The following NCK2 variants were observed in gnomAD, a reference collection of about 807,000 sequenced individuals.
NCK2 encodes cytoplasmic protein NCK2.
A neutral mutation model predicts 33.9 loss-of-function variants in NCK2; 16 were observed. The observed-to-expected ratio is 0.47, with a 90% CI of 0.32 to 0.72. The LOEUF is 0.72. NCK2 is among the 30% of genes least tolerant of loss of function. The pLI is 0.03. For synonymous variants in NCK2, 273 were observed against 239.9 expected, an observed-to-expected ratio of 1.14 and a Z score of -1.27; for missense variants, 418 against 537.3, an observed-to-expected ratio of 0.78 and a Z score of 2.19.
intron 2 of NCK2, among the ~76,000 whole-genome samples, chr2:105,835,407 G>GTATATA (rs1491345836): frequency 3.0e-4 from 6 of 19,686 alleles, no homozygotes; most frequent in South Asian, 3.6e-3. Context: ...ATATATATAC[G>GTATATA]TGTATATATA....
At chr2:105,786,419 G>A (rs537696362) in intron 1 of NCK2, among the ~76,000 whole-genome samples, 100 of 152,312 alleles carry the variant, frequency 6.6e-4, no homozygotes, top group African/African-American at 2.3e-3. Flanking sequence ...GGGCCTGTCT[G>A]GAAAGGTCTC....
intron 3 of NCK2, among the ~76,000 whole-genome samples, chr2:105,878,679 G>C (rs1678335892): frequency 6.6e-6 from 1 of 152,174 alleles, no homozygotes; most frequent in South Asian, 2.1e-4. Flanking sequence ...TCACATTTGG[G>C]GGGTAAGAAA....
At chr2:105,852,096 G>A (rs1677090667) in intron 2 of NCK2, among the ~76,000 whole-genome samples, 1 of 152,092 alleles carries the variant, frequency 6.6e-6, no homozygotes, top group African/African-American at 2.4e-5. Flanking sequence ...ACCACGCATC[G>A]GACGGTTGGG....
chr2:105,823,869 T>A (rs897772932), intron 2 of NCK2, among the ~76,000 whole-genome samples: 15 of 152,222 alleles, frequency 9.9e-5, no homozygotes, highest in African/African-American at 3.1e-4. Context: ...ATTATGAATC[T>A]GCTCTGGCTG....
intron 1 of NCK2, among the ~76,000 whole-genome samples, chr2:105,754,456 C>A (rs1042728673): frequency 2.0e-5 from 3 of 152,110 alleles, no homozygotes; most frequent in Admixed American, 6.6e-5. Flanking sequence ...ATTTTGGTTG[C>A]GTGTTTAAGG....
chr2:105,784,581 C>T (rs1399960092), intron 1 of NCK2, among the ~76,000 whole-genome samples: 3 of 152,200 alleles, frequency 2.0e-5, no homozygotes, highest in Non-Finnish European at 4.4e-5. Flanking sequence ...TGTAGGTGAG[C>T]ATAAATGCAT....
intron 3 of NCK2, among the ~76,000 whole-genome samples, chr2:105,880,814 T>G (rs1678440201): frequency 6.6e-6 from 1 of 152,176 alleles, no homozygotes; most frequent in Admixed American, 6.5e-5. Context: ...CTCACTCTGT[T>G]GCACAGGCTG....
intron 1 of NCK2, among the ~76,000 whole-genome samples, chr2:105,794,871 G>A (rs779251709): frequency 4.6e-5 from 7 of 152,002 alleles, no homozygotes; most frequent in African/African-American, 9.7e-5. Flanking sequence ...GCATGGTTCC[G>A]CAGCCAAAGA....
intron 1 of NCK2, among the ~76,000 whole-genome samples, chr2:105,777,856 T>C (rs1178460378): frequency 1.3e-5 from 2 of 152,210 alleles, no homozygotes; most frequent in Non-Finnish European, 2.9e-5. Flanking sequence ...TGTGCTCGTA[T>C]TGAAGAGAGG....
chr2:105,794,733 C>T (rs141932875), intron 1 of NCK2, among the ~76,000 whole-genome samples: 32,863 of 151,452 alleles, frequency 0.22, 3,868 homozygotes, highest in Middle Eastern at 0.33. Flanking sequence ...ATTTTTGAGA[C>T]GGAGTCTTGC....
intron 1 of NCK2, among the ~76,000 whole-genome samples, chr2:105,764,883 A>G (rs537085252): frequency 6.6e-6 from 1 of 151,594 alleles, no homozygotes; most frequent in Non-Finnish European, 1.5e-5. Context: ...CTTTTTTTCC[A>G]TGTTGTGTGA....
At position 105,771,219 on chromosome 2, in the gene NCK2, G is replaced by A. The variant is rs540375131; in HGVS notation, c.-201+26081G>A. 7.3e-5 allele frequency among the ~76,000 whole-genome samples: 11 copies of A among 150,872 alleles called. No homozygotes were observed. The East Asian group carries it at 1.0e-3, about 14-fold the overall frequency. On this transcript the variant is annotated intron_variant, in intron 1 of 4. Transcript: ENST00000233154. ...TTACAGGCGTGAGCCACCGCGCCCC[G>A]CCCAATATCACTATTTCTATCCCCT...
intron 2 of NCK2, among the ~76,000 whole-genome samples, chr2:105,831,147 AG>A (rs1433749212): frequency 6.6e-6 from 1 of 152,168 alleles, no homozygotes; most frequent in African/African-American, 2.4e-5. Flanking sequence ...TAAAATGAAA[AG>A]ATATCTCATA....
chr2:105,785,323 G>A (rs1199436587), intron 1 of NCK2, among the ~76,000 whole-genome samples: 1 of 152,168 alleles, frequency 6.6e-6, no homozygotes, highest in Non-Finnish European at 1.5e-5. Context: ...GTGTGTCCAA[G>A]TGTAAAAAGA....
chr2:105,886,747 T>C (rs1678736291), intron 4 of NCK2, among the ~76,000 whole-genome samples: 1 of 152,230 alleles, frequency 6.6e-6, no homozygotes, highest in Non-Finnish European at 1.5e-5. Flanking sequence ...AGGTATTACA[T>C]GTGACTTTAG....
intron 1 of NCK2, among the ~76,000 whole-genome samples, chr2:105,814,302 A>C (rs1675399609): frequency 6.6e-6 from 1 of 152,240 alleles, no homozygotes; most frequent in Non-Finnish European, 1.5e-5. Context: ...GCTTTTCTCA[A>C]GGAAAACATC....
At chr2:105,889,471 T>C (rs1469611512) in intron 4 of NCK2, among the ~76,000 whole-genome samples, 1 of 152,142 alleles carries the variant, frequency 6.6e-6, no homozygotes. Context: ...GAAGGGCTTA[T>C]TAAAACACAC....
At chr2:105,867,207 C>T (rs1008697678) in intron 3 of NCK2, among the ~76,000 whole-genome samples, 4 of 152,184 alleles carry the variant, frequency 2.6e-5, no homozygotes, top group East Asian at 1.9e-4. Flanking sequence ...CTCTTTATCA[C>T]GCTAAGACAA....
At chr2:105,886,146 A>G (rs551888402) in intron 4 of NCK2, among the ~76,000 whole-genome samples, 1 of 152,370 alleles carries the variant, frequency 6.6e-6, no homozygotes, top group African/African-American at 2.4e-5. Flanking sequence ...TTTCAAAGAT[A>G]ACAAGTTATT....
Sources: allele counts gnomAD v4.1 joint callset (sites outside exome capture counted in the v4.1 genomes callset), GRCh38; gene constraint gnomAD v4.1.1; transcripts MANE v1.5; gene names NCBI Gene and HGNC (gene_info 2026-07-23, HGNC 2026-07-21).